CEP126: variants seen among roughly 807,000 people sequenced by gnomAD.
CEP126 encodes the protein centrosomal protein of 126 kDa.
In CEP126, 74 loss-of-function variants were observed where a neutral mutation model predicts 107.8. That is an observed-to-expected ratio of 0.69 (90% CI 0.57 to 0.83). The LOEUF (loss-of-function observed/expected upper bound fraction) is 0.83. Ranked by LOEUF, CEP126 falls within the 40% of genes least tolerant of loss-of-function variation. The pLI, the probability that CEP126 is intolerant of heterozygous loss-of-function variation, is 0.00. For missense variants in CEP126, 1,237 were observed against 1,281.9 expected (o/e 0.96, Z 0.53); for synonymous variants, 449 against 446.0 (o/e 1.01, Z -0.08).
chr11:101,970,224 A>G (rs1941109438), intron 6 of CEP126, among the ~76,000 whole-genome samples: 1 of 152,246 alleles, frequency 6.6e-6, no homozygotes, highest in South Asian at 2.1e-4. Flanking sequence ...ATAGTGTAAT[A>G]TATAGAGTTG....
Position 101,963,032 on chromosome 11 carries a change from A to G in CEP126, c.1997A>G (p.Gln666Arg). The G allele has an allele frequency of 1.2e-6, 2 of 1,614,124 alleles. No homozygotes were observed. Among genetic ancestry groups the G allele is most frequent in the Non-Finnish European group, 1.7e-6 (2 of 1,179,996 alleles). The change falls in exon 6 of 11, where the codon CAA (glutamine) becomes CGA (arginine). Residue 666 changes from glutamine (Q) to arginine (R), a missense_variant. By Grantham distance (43) the Gln-to-Arg change is conservative. Transcript: ENST00000263468. The stretch of plus-strand genomic sequence containing the variant: ...CAGCATTCTCAACAATTCCACATTC[A>G]AAGTGGTGCTGGAAGCAACATAATT... The part of the protein sequence containing the change: ...TQQHSQQFHI[Q>R]SGAGSNIISV...
intron 6 of CEP126, among the ~76,000 whole-genome samples, chr11:101,972,194 A>AGGC (rs2137120027): frequency 6.6e-6 from 1 of 151,728 alleles, no homozygotes; most frequent in South Asian, 2.1e-4. Context: ...TTGAGGGCCG[A>AGGC]GGCGGGCGGA....
chr11:101,947,229 C>G (rs1487163419), intron 3 of CEP126, among the ~76,000 whole-genome samples: 1 of 152,028 alleles, frequency 6.6e-6, no homozygotes, highest in Non-Finnish European at 1.5e-5. Context: ...GAGCTAAAGC[C>G]AGAAATTCAC....
intron 6 of CEP126, among the ~76,000 whole-genome samples, chr11:101,969,195 A>G (rs1941096153): frequency 6.6e-6 from 1 of 151,782 alleles, no homozygotes; most frequent in Admixed American, 6.6e-5. Context: ...TAATTTTTAT[A>G]TTTTTTGCAG....
chr11:101,991,121 G>A (rs1941374970), intron 9 of CEP126, among the ~76,000 whole-genome samples: 1 of 152,130 alleles, frequency 6.6e-6, no homozygotes, highest in African/African-American at 2.4e-5. Context: ...AGGCTGCAAT[G>A]AGCCATGATC....
chr11:101,941,893 A>G (rs1471047110), intron 2 of CEP126, among the ~76,000 whole-genome samples: 1 of 152,054 alleles, frequency 6.6e-6, no homozygotes, highest in Non-Finnish European at 1.5e-5. Context: ...GCATTTTCTT[A>G]ATGATTAATG....
At chr11:101,937,646 CATG>C (rs1413511223) in intron 2 of CEP126, among the ~76,000 whole-genome samples, 2 of 152,096 alleles carry the variant, frequency 1.3e-5, no homozygotes, top group African/African-American at 2.4e-5. Flanking sequence ...CCTTATAAAA[CATG>C]GTGGGGAGTG....
intron 1 of CEP126, among the ~76,000 whole-genome samples, chr11:101,922,021 G>A (rs1255121308): frequency 6.6e-6 from 1 of 151,712 alleles, no homozygotes; most frequent in Non-Finnish European, 1.5e-5. Context: ...CTGACCTCAG[G>A]TGATCCACCC....
chr11:101,976,904 T>C (rs1347670232), intron 6 of CEP126, among the ~76,000 whole-genome samples: 1 of 152,202 alleles, frequency 6.6e-6, no homozygotes, highest in Non-Finnish European at 1.5e-5. Context: ...CATTTTACTA[T>C]AATAATTCAT....
At chr11:101,927,897 T>C (rs1184718935) in intron 2 of CEP126, among the ~76,000 whole-genome samples, 1 of 152,216 alleles carries the variant, frequency 6.6e-6, no homozygotes, top group African/African-American at 2.4e-5. Flanking sequence ...TAAGCCTTTA[T>C]TTCTCTGGGA....
intron 1 of CEP126, among the ~76,000 whole-genome samples, chr11:101,917,676 C>T (rs1294356026): frequency 1.3e-5 from 2 of 151,282 alleles, no homozygotes; most frequent in South Asian, 2.1e-4. Context: ...ATATCTCTAC[C>T]CTTCAACCCT....
chr11:101,944,261 AT>A lies in CEP126; in HGVS notation c.249-3del. Reference sequence around the variant, plus strand: ...CTGTTGCCTACTTTGTGTTTTAAATATAGAGCTTTTGAGGAGAAACGAAAAG... The same window carrying A: ...CTGTTGCCTACTTTGTGTTTTAAATAAGAGCTTTTGAGGAGAAACGAAAAG... On this transcript the variant is annotated splice_region_variant and splice_polypyrimidine_tract_variant and intron_variant, in intron 2 of 10. Transcript: ENST00000263468. 1 of 1,573,488 alleles carries A rather than the reference AT, an allele frequency of 6.4e-7. No homozygotes were observed. The highest frequency in any genetic ancestry group is 8.6e-7 in the Non-Finnish European group (1 of 1,167,116).
At chr11:101,995,091 TC>T (rs1941427578) in intron 10 of CEP126, among the ~76,000 whole-genome samples, 1 of 152,160 alleles carries the variant, frequency 6.6e-6, no homozygotes, top group Admixed American at 6.5e-5. Flanking sequence ...TTCTCATTGT[TC>T]AACTCCCACT....
intron 6 of CEP126, among the ~76,000 whole-genome samples, chr11:101,966,554 C>T (rs1369061412): frequency 6.6e-6 from 1 of 152,190 alleles, no homozygotes; most frequent in South Asian, 2.1e-4. Context: ...TATTTCCCCC[C>T]TAAAAGATGA....
chr11:101,933,901 G>A (rs1195385206), intron 2 of CEP126, among the ~76,000 whole-genome samples: 1 of 150,356 alleles, frequency 6.7e-6, no homozygotes, highest in African/African-American at 2.5e-5. Context: ...CCAAGTTGAG[G>A]AAAACATGGA....
At chr11:101,937,274 T>C (rs1294964765) in intron 2 of CEP126, among the ~76,000 whole-genome samples, 1 of 152,190 alleles carries the variant, frequency 6.6e-6, no homozygotes, top group African/African-American at 2.4e-5. Flanking sequence ...ATGTTACTGA[T>C]AAGCAATCAT....
intron 3 of CEP126, among the ~76,000 whole-genome samples, chr11:101,947,272 G>C (rs573837353): frequency 6.6e-6 from 1 of 152,258 alleles, no homozygotes; most frequent in South Asian, 2.1e-4. Context: ...GTTATTTATA[G>C]TATGTGATAT....
At chr11:101,924,353 A>G (rs1265962484) in intron 2 of CEP126, among the ~76,000 whole-genome samples, 3 of 152,168 alleles carry the variant, frequency 2.0e-5, no homozygotes, top group East Asian at 1.9e-4. Flanking sequence ...TTGTCTATCA[A>G]TTTATACTTT....
At chr11:101,919,886 G>A (rs1296482942) in intron 1 of CEP126, among the ~76,000 whole-genome samples, 1 of 152,104 alleles carries the variant, frequency 6.6e-6, no homozygotes, top group Non-Finnish European at 1.5e-5. Context: ...CACCCTGAAA[G>A]GAAGTTGCAC....
Sources: allele counts gnomAD v4.1 joint callset (sites outside exome capture counted in the v4.1 genomes callset), GRCh38; gene constraint gnomAD v4.1.1; transcripts MANE v1.5; gene names NCBI Gene and HGNC (gene_info 2026-07-23, HGNC 2026-07-21).